The following BANP variants were observed in gnomAD, a reference collection of about 807,000 sequenced individuals.
BANP encodes the protein protein BANP.
A neutral mutation model predicts 68.1 loss-of-function variants in BANP; 11 were observed. That is an observed-to-expected ratio of 0.16 (90% CI 0.10 to 0.27). BANP has a LOEUF of 0.27. Ranked by LOEUF, BANP falls within the 10% of genes least tolerant of loss-of-function variation. The pLI, the probability that BANP is intolerant of heterozygous loss-of-function variation, is 1.00. For missense variants in BANP, 504 were observed against 722.7 expected, an observed-to-expected ratio of 0.70 and a Z score of 3.47; for synonymous variants, 329 against 303.2, an observed-to-expected ratio of 1.09 and a Z score of -0.88.
At chr16:87,992,091 C>T (rs927538462) in intron 4 of BANP, among the ~76,000 whole-genome samples, 1 of 152,170 alleles carries the variant, frequency 6.6e-6, no homozygotes, top group Non-Finnish European at 1.5e-5. Context: ...TGGATTTTCA[C>T]ATGCCTTTTC....
chr16:88,044,208 A>G (rs1247654863), intron 11 of BANP, among the ~76,000 whole-genome samples: 1 of 152,246 alleles, frequency 6.6e-6, no homozygotes, highest in Non-Finnish European at 1.5e-5. Context: ...CGCGGGCTGC[A>G]TGGCTGGACT....
chr16:87,972,570 C>T (rs1173827344), intron 1 of BANP, among the ~76,000 whole-genome samples: 1 of 152,068 alleles, frequency 6.6e-6, no homozygotes. Flanking sequence ...TTCTGTTGCT[C>T]ATTTTTATAT....
At chr16:88,007,217 G>A (rs1045283593) in intron 6 of BANP, among the ~76,000 whole-genome samples, 7 of 152,098 alleles carry the variant, frequency 4.6e-5, no homozygotes, top group Admixed American at 3.9e-4. Flanking sequence ...TTTCGTTATT[G>A]AAACTAGCAT....
intron 8 of BANP, among the ~76,000 whole-genome samples, chr16:88,029,624 A>AG (rs1266941919): frequency 6.6e-6 from 1 of 151,904 alleles, no homozygotes; most frequent in Non-Finnish European, 1.5e-5. Flanking sequence ...AAAAAAAAAA[A>AG]AAAGTCAAGG....
In BANP at chr16:87,957,356, G is replaced by T. The variant is rs1288918620; in HGVS notation, c.-69+5841G>T. On this transcript the variant is annotated intron_variant, in intron 1 of 13. Coordinates refer to ENST00000682872, the MANE Select transcript of BANP (RefSeq NM_001386991.1). This position sits in a 1 kb window ranked among gnomAD's most constrained non-coding sequence, Gnocchi z 4.3. ...GGCTGCAGTGAAACACCTGAGGAAGGCTGGGCAGAATGGATCGGGGGTGTG... is the reference window on the plus strand; with the variant it reads ...GGCTGCAGTGAAACACCTGAGGAAGTCTGGGCAGAATGGATCGGGGGTGTG... Among the ~76,000 whole-genome samples the T allele has an allele frequency of 6.6e-6, 1 of 152,224 alleles. No homozygotes were observed. Among genetic ancestry groups the T allele is most frequent in the Admixed American group, 6.5e-5 (1 of 15,286 alleles).
At chr16:87,970,090 T>G (rs1359391943) in intron 1 of BANP, 1 of 152,140 alleles carries the variant, frequency 6.6e-6, no homozygotes, top group African/African-American at 2.4e-5. Context: ...GTATTTTTAG[T>G]AGAGATGGGG....
At chr16:88,047,411 C>G (rs1418472872) in intron 11 of BANP, among the ~76,000 whole-genome samples, 1 of 152,196 alleles carries the variant, frequency 6.6e-6, no homozygotes, top group African/African-American at 2.4e-5. Flanking sequence ...GGGCCTTGCT[C>G]CTTCCCCCAA....
chr16:87,979,268 G>T (rs1411024988), intron 2 of BANP, among the ~76,000 whole-genome samples: 2 of 152,192 alleles, frequency 1.3e-5, no homozygotes, highest in Non-Finnish European at 2.9e-5. Context: ...GACCAGAGAG[G>T]CCTGTGCACT....
intron 1 of BANP, among the ~76,000 whole-genome samples, chr16:87,962,009 G>A (rs999406877): frequency 6.6e-6 from 1 of 152,098 alleles, no homozygotes; most frequent in Non-Finnish European, 1.5e-5. Context: ...GGAGGATGAG[G>A]TGGGTGGATT....
intron 11 of BANP, among the ~76,000 whole-genome samples, chr16:88,043,807 A>T (rs537627907): frequency 6.6e-6 from 1 of 152,172 alleles, no homozygotes; most frequent in Non-Finnish European, 1.5e-5. Flanking sequence ...TTGTCTAAGG[A>T]ATTTCAATTT....
intron 11 of BANP, among the ~76,000 whole-genome samples, chr16:88,058,672 G>A (rs4843783): frequency 0.14 from 20,674 of 151,980 alleles, 1,626 homozygotes; most frequent in South Asian, 0.34. Flanking sequence ...GTCCTGCCCC[G>A]GGGTTTGTAG....
intron 11 of BANP, 33 bp downstream of exon 11, chr16:88,038,044 G>C: frequency 6.2e-7 from 1 of 1,600,488 alleles, no homozygotes; most frequent in South Asian, 1.1e-5. Flanking sequence ...ACATGCGGGC[G>C]TTGCGCTGCC....
chr16:88,045,254 A>G (rs2081722054), intron 11 of BANP, among the ~76,000 whole-genome samples: 1 of 152,344 alleles, frequency 6.6e-6, no homozygotes, highest in African/African-American at 2.4e-5. Flanking sequence ...GGTTTTTGGC[A>G]TGGCTGGCCT....
At chr16:88,033,345 CACAGTGAT>C in intron 9 of BANP, 100 bp downstream of exon 9, 1 of 1,256,494 alleles carries the variant, frequency 8.0e-7, no homozygotes, top group Non-Finnish European at 1.1e-6. Flanking sequence ...GTTTTGGGAG[CACAGTGAT>C]AGCTTGGGAG....
chr16:88,006,986 T>C (rs2071407595), intron 6 of BANP, among the ~76,000 whole-genome samples: 1 of 146,296 alleles, frequency 6.8e-6, no homozygotes, highest in Non-Finnish European at 1.5e-5. Context: ...TGATACAGTA[T>C]AAACATGAAG....
chr16:88,012,939 T>G (rs2073556765), intron 6 of BANP, among the ~76,000 whole-genome samples: 1 of 151,944 alleles, frequency 6.6e-6, no homozygotes, highest in African/African-American at 2.4e-5. Flanking sequence ...GTTTCCCTTT[T>G]TCCCGACAGT....
chr16:88,030,229 T>G (rs2077862971), intron 8 of BANP, among the ~76,000 whole-genome samples: 1 of 152,200 alleles, frequency 6.6e-6, no homozygotes, highest in South Asian at 2.1e-4. Context: ...AGCAGGAGAT[T>G]GTGACCTATG....
chr16:87,963,175 A>G (rs1265486736), intron 1 of BANP, among the ~76,000 whole-genome samples: 1 of 152,132 alleles, frequency 6.6e-6, no homozygotes, highest in Non-Finnish European at 1.5e-5. Context: ...GAAGGGCGCC[A>G]GGACGATCTG....
At chr16:88,025,144 C>T (rs2076743178) in intron 7 of BANP, among the ~76,000 whole-genome samples, 1 of 152,108 alleles carries the variant, frequency 6.6e-6, no homozygotes, top group Non-Finnish European at 1.5e-5. Context: ...TCTTTCTTGC[C>T]CTCCCGGTGG....
Sources: allele counts gnomAD v4.1 joint callset (sites outside exome capture counted in the v4.1 genomes callset), GRCh38; gene constraint gnomAD v4.1.1; non-coding constraint Gnocchi (gnomAD v3.1); transcripts MANE v1.5; gene names NCBI Gene and HGNC (gene_info 2026-07-23, HGNC 2026-07-21).